ANAPC5: variants seen among roughly 807,000 people sequenced by gnomAD.
ANAPC5 encodes anaphase promoting complex subunit 5, also known as anaphase-promoting complex subunit 5.
A neutral mutation model predicts 91.3 loss-of-function variants in ANAPC5; 60 were observed. The ratio of observed to expected loss-of-function variants is 0.66; its 90% CI spans 0.53 to 0.81. The LOEUF (loss-of-function observed/expected upper bound fraction) is 0.81, where lower values mean the gene tolerates loss of function less well. ANAPC5 is among the 40% of genes least tolerant of loss of function. The pLI is 0.00. For synonymous variants in ANAPC5, 340 were observed against 364.1 expected (o/e 0.93, Z 0.75); for missense variants, 690 against 931.5 (o/e 0.74, Z 3.37).
At chr12:121,316,732 CAA>C (rs35989752) in intron 15 of ANAPC5, among the ~76,000 whole-genome samples, 1,245 of 28,714 alleles carry the variant, frequency 0.043, 5 homozygotes, top group East Asian at 0.21. Flanking sequence ...GACTCTGTCT[CAA>C]AAAAAAAAAA....
intron 3 of ANAPC5, 77 bp downstream of exon 3, chr12:121,346,818 GA>G (rs1400763606): frequency 1.2e-6 from 1 of 843,184 alleles, no homozygotes; most frequent in Non-Finnish European, 1.8e-6. Context: ...AGATATAGCA[GA>G]ACAATGATAG....
Position 121,337,279 on chromosome 12 carries a change from G to C in ANAPC5, c.759+12C>G. 3.7e-6 allele frequency: 6 copies of C among 1,604,312 alleles called. No homozygotes were observed. Among genetic ancestry groups the C allele is most frequent in the Middle Eastern group, 1.7e-4 (1 of 6,030 alleles). ...CTTTCCAACACAGCAACAAATTCTG[G>C]GAAAGACTTACCGCTTCAGCAAAAT... is the stretch of plus-strand genomic sequence containing the variant. On this transcript the variant is annotated intron_variant, in intron 6 of 16. Coordinates refer to ENST00000261819, the MANE Select transcript of ANAPC5 (RefSeq NM_016237.5).
intron 14 of ANAPC5, 25 bp downstream of exon 14, chr12:121,318,476 G>A (rs201386198): frequency 1.8e-5 from 29 of 1,611,774 alleles, no homozygotes; most frequent in South Asian, 1.1e-4. Context: ...CCACATCTCC[G>A]TGAGATGTAC....
At chr12:121,319,005 G>C (rs949963996) in intron 13 of ANAPC5, among the ~76,000 whole-genome samples, 3 of 151,814 alleles carry the variant, frequency 2.0e-5, no homozygotes, top group African/African-American at 7.3e-5. Context: ...GGGCGACAGA[G>C]TGAGACTCTG....
chr12:121,332,936 C>A (rs1156494081), intron 7 of ANAPC5: 1 of 151,904 alleles, frequency 6.6e-6, no homozygotes, highest in Non-Finnish European at 1.5e-5. Context: ...TCACTTGAGA[C>A]CAGGCGTTCA....
intron 7 of ANAPC5, 40 bp downstream of exon 7, chr12:121,335,493 T>C: frequency 6.5e-7 from 1 of 1,546,848 alleles, no homozygotes; most frequent in South Asian, 1.2e-5. Context: ...TTGTCATCGG[T>C]TCCTTCAATT....
intron 4 of ANAPC5, among the ~76,000 whole-genome samples, chr12:121,343,644 A>G (rs748253170): frequency 1.3e-5 from 2 of 152,258 alleles, no homozygotes; most frequent in Non-Finnish European, 2.9e-5. Flanking sequence ...CTTGCTCTCA[A>G]TATGTGCTGA....
Position 121,308,648 on chromosome 12 carries a change from A to G in ANAPC5, c.2100T>C (p.Tyr700=). Residue 700 remains tyrosine (Y), a synonymous_variant, in exon 17 of 17, where the codon TAT becomes TAC. Transcript: ENST00000261819. The stretch of plus-strand genomic sequence containing the variant: ...GCTCTTTGCAGTCAACCTTTGCAAA[A>G]TAGTTCTTGGCTTCATTGAGGTTCT... ...AIENLNEAKN[Y]FAKVDCKERI... The G allele has an allele frequency of 6.2e-7, 1 of 1,614,146 alleles. No individual in the cohort carries two copies. Among genetic ancestry groups the G allele is most frequent in the East Asian group, 2.2e-5 (1 of 44,888 alleles).
intron 5 of ANAPC5, among the ~76,000 whole-genome samples, chr12:121,339,501 C>T (rs996071814): frequency 2.0e-5 from 3 of 150,640 alleles, no homozygotes; most frequent in Non-Finnish European, 4.4e-5. Flanking sequence ...GAAGGAGTCT[C>T]GCTCTGTCGC....
chr12:121,337,255 T>C (rs782587496), intron 6 of ANAPC5, 36 bp downstream of exon 6: 6 of 1,564,396 alleles, frequency 3.8e-6, no homozygotes, highest in African/African-American at 1.4e-5. Flanking sequence ...TTGTCATTCC[T>C]TTCCAACACA....
At chr12:121,339,292 C>T (rs1903357397) in intron 5 of ANAPC5, among the ~76,000 whole-genome samples, 1 of 152,068 alleles carries the variant, frequency 6.6e-6, no homozygotes, top group South Asian at 2.1e-4. Context: ...CTCAGGTGAT[C>T]CACCTGCCTC....
At chr12:121,312,922 T>C (rs1280784713) in intron 15 of ANAPC5, among the ~76,000 whole-genome samples, 1 of 151,966 alleles carries the variant, frequency 6.6e-6, no homozygotes, top group Admixed American at 6.6e-5. Flanking sequence ...ATTTGTGGGA[T>C]AAACTACAAA....
At position 121,320,309 on chromosome 12, in the gene ANAPC5, T is replaced by C. The variant is rs114820787; in HGVS notation, c.1515+76A>G. 4.5e-4 allele frequency: 633 copies of C among 1,406,090 alleles called. 3 individuals are homozygous for C. The African/African-American group carries it at 8.0e-3, about 18-fold the overall frequency. The allele number at this position is 1,406,090 out of a possible 1,614,324, so 87.1% of individuals were successfully genotyped here. On this transcript the variant is annotated intron_variant, in intron 12 of 16. Coordinates refer to ENST00000261819, the MANE Select transcript of ANAPC5 (RefSeq NM_016237.5). ...TCAATATTATTTTTCTGAGGGGAGA[T>C]TATGTCCCACTTTATATTATAATAA...
intron 9 of ANAPC5, among the ~76,000 whole-genome samples, chr12:121,329,390 G>C (rs1230962245): frequency 6.6e-6 from 1 of 152,024 alleles, no homozygotes; most frequent in African/African-American, 2.4e-5. Flanking sequence ...CTGACCTCAC[G>C]ATCCACCCGC....
At chr12:121,312,170 A>T (rs1902188482) in intron 15 of ANAPC5, among the ~76,000 whole-genome samples, 2 of 152,186 alleles carry the variant, frequency 1.3e-5, no homozygotes, top group South Asian at 4.1e-4. Context: ...GAAACCAGAA[A>T]ATTCACAAAT....
At chr12:121,344,806 A>G (rs1903601859) in intron 4 of ANAPC5, among the ~76,000 whole-genome samples, 8 of 152,146 alleles carry the variant, frequency 5.3e-5, no homozygotes, top group Admixed American at 5.2e-4. Flanking sequence ...CTGAGAGTGA[A>G]GGAGAAAATA....
At position 121,317,411 on chromosome 12, in the gene ANAPC5, GC is replaced by G. The variant is rs200963566; in HGVS notation, c.1893+865del. ...TGGGATTACAGGCACGTGCCACCACGCCCGGCTAATTTTTGTATTTTTAATA... is the reference window on the plus strand; with the variant it reads ...TGGGATTACAGGCACGTGCCACCACGCCGGCTAATTTTTGTATTTTTAATA... On this transcript the variant is annotated intron_variant, in intron 15 of 16. Coordinates refer to ENST00000261819, the MANE Select transcript of ANAPC5 (RefSeq NM_016237.5). Among the ~76,000 whole-genome samples, 1,187 of 151,802 alleles carry G rather than the reference GC, an allele frequency of 7.8e-3. 17 individuals carry two copies. Among genetic ancestry groups the G allele is most frequent in the African/African-American group, 0.027 (1,118 of 41,396 alleles).
In ANAPC5 at chr12:121,346,910, T is replaced by C; in HGVS notation, c.383A>G (p.Lys128Arg). The change falls in exon 3 of 17, where the codon AAA becomes AGA. Residue 128 changes from lysine to arginine, a missense_variant. Lys to Arg is a conservative substitution (Grantham distance 26). Transcript: ENST00000261819. ...GAGTTTCATACCTACTACACTTGTT[T>C]TGTGAACCTCTGGTTCAGTTCCAGA... ...SFSGTEPEVH[K>R]TSVVGLFLRH... is the part of the protein sequence containing the mutation. 1 of 1,604,214 alleles carries C rather than the reference T, an allele frequency of 6.2e-7. No individual in the cohort carries two copies. Among genetic ancestry groups the C allele is most frequent in the Non-Finnish European group, 8.5e-7 (1 of 1,176,598 alleles).
chr12:121,318,755 T>G, intron 13 of ANAPC5, 147 bp from the exon 14 acceptor site: 1 of 694,522 alleles, frequency 1.4e-6, no homozygotes, highest in Non-Finnish European at 2.4e-6. Context: ...GCGCGGTGGC[T>G]CACACCTGTA....
Sources: allele counts gnomAD v4.1 joint callset (sites outside exome capture counted in the v4.1 genomes callset), GRCh38; gene constraint gnomAD v4.1.1; transcripts MANE v1.5; gene names NCBI Gene and HGNC (gene_info 2026-07-23, HGNC 2026-07-21).